Variants in BLCAP observed in about 807,000 individuals in gnomAD.
The protein encoded by BLCAP is apoptosis inducing factor BLCAP.
BLCAP carries 1 observed loss-of-function variant against 5.7 expected under a neutral mutation model. That is an observed-to-expected ratio of 0.18 (90% CI 0.06 to 0.83). The LOEUF (loss-of-function observed/expected upper bound fraction) is 0.83, where lower values mean the gene tolerates loss of function less well. Among genes scored for constraint, BLCAP ranks in the 40% least tolerant of loss-of-function variants. The pLI is 0.71. For synonymous variants in BLCAP, 48 were observed against 49.4 expected (o/e 0.97, Z 0.11); for missense variants, 66 against 107.6 (o/e 0.61, Z 1.71).
intron 1 of BLCAP, chr20:37,524,550 G>A (rs2071688400): frequency 6.6e-6 from 1 of 152,256 alleles, no homozygotes; most frequent in African/African-American, 2.4e-5. Flanking sequence ...CTGGCTTTAT[G>A]TGTCCCTGTC....
intron 1 of BLCAP, chr20:37,527,016 G>A (rs2147197477): frequency 6.6e-6 from 1 of 152,274 alleles, no homozygotes; most frequent in South Asian, 2.1e-4. Flanking sequence ...GTTTCTTTCC[G>A]AGGACAGACC....
intron 1 of BLCAP, among the ~76,000 whole-genome samples, chr20:37,525,245 C>T (rs930017233): frequency 1.3e-5 from 2 of 152,192 alleles, no homozygotes; most frequent in African/African-American, 4.8e-5. Context: ...CCCTTCGGAG[C>T]TTTTGAGGGG....
At position 37,519,165 on chromosome 20, in the gene BLCAP, G is replaced by A. The variant is rs1390056632; in HGVS notation, c.10C>T (p.Leu4Phe). Residue 4 changes from leucine (L) to phenylalanine (F), a missense_variant, in exon 2 of 2, where the codon CTC (leucine) becomes TTC (phenylalanine). Coordinates refer to ENST00000373537, the MANE Select transcript of BLCAP (RefSeq NM_006698.4). ...AGGAGGACGGGCAGCAGCCACTGGA[G>A]GCAATACATGATCTCTGCCGGGCAG... MYC[L>F]QWLLPVLLIP... 6.3e-7 allele frequency: 1 copy of A among 1,587,882 alleles called. No homozygotes were observed. Among genetic ancestry groups the A allele is most frequent in the Non-Finnish European group, 8.6e-7 (1 of 1,167,828 alleles).
chr20:37,523,028 G>A (rs2147192431), intron 1 of BLCAP: 1 of 432,914 alleles, frequency 2.3e-6, no homozygotes, highest in Non-Finnish European at 4.1e-6. Context: ...GCAGACCCCT[G>A]AGATCTGGGC....
chr20:37,522,519 C>T, intron 1 of BLCAP: 2 of 1,381,296 alleles, frequency 1.4e-6, no homozygotes, highest in Non-Finnish European at 2.0e-6. Flanking sequence ...TGCCCTGACT[C>T]GTGGACAAGC....
intron 1 of BLCAP, chr20:37,523,307 A>G (rs769199779): frequency 1.3e-5 from 2 of 152,618 alleles, no homozygotes; most frequent in Non-Finnish European, 2.9e-5. Flanking sequence ...GGGCACTTGC[A>G]TTCCAGCCTC....
chr20:37,524,829 T>C (rs1377527585), intron 1 of BLCAP, among the ~76,000 whole-genome samples: 2 of 152,242 alleles, frequency 1.3e-5, no homozygotes, highest in African/African-American at 4.8e-5. Context: ...ATCCCGGTTC[T>C]GGTCTTGACT....
rs1601090510 is a variant in BLCAP, at chr20:37,521,313, A to G, written c.-176-1963T>C. ...GGCAAACCCTCTTTCTCGACCACCC[A>G]CCTACCATTCTTGGAACCATGGCGG... is the stretch of plus-strand genomic sequence containing the variant. On this transcript the variant is annotated intron_variant, in intron 1 of 1. Coordinates refer to ENST00000373537, the MANE Select transcript of BLCAP (RefSeq NM_006698.4). This position sits in a 1 kb window ranked among gnomAD's most constrained non-coding sequence, Gnocchi z 4.5. 1 of 1,613,328 alleles carries G rather than the reference A, an allele frequency of 6.2e-7. No homozygotes were observed. The highest frequency in any genetic ancestry group is 1.1e-5 in the South Asian group (1 of 91,062).
At position 37,519,258 on chromosome 20, in the gene BLCAP, G is replaced by A. The variant is rs2071473807; in HGVS notation, c.-84C>T. The A allele has an allele frequency of 2.1e-6, 3 of 1,446,786 alleles. No homozygotes were observed. In the South Asian group the frequency reaches 4.3e-5, roughly 21 times the overall value. The allele number at this position is 1,446,786 out of a possible 1,614,324, so 89.6% of individuals were successfully genotyped here. On this transcript the variant is annotated 5_prime_UTR_variant, in exon 2 of 2. Coordinates refer to ENST00000373537, the MANE Select transcript of BLCAP (RefSeq NM_006698.4). ...TAATGGGAGCCAGCGGGCGCAGGCGGCTGCCCTCCGCTTTCTTCAACCCTC... is the reference window on the plus strand; with the variant it reads ...TAATGGGAGCCAGCGGGCGCAGGCGACTGCCCTCCGCTTTCTTCAACCCTC...
chr20:37,521,483 G>A lies in BLCAP; in HGVS notation c.-176-2133C>T. 2 of 1,397,610 alleles carry A rather than the reference G, an allele frequency of 1.4e-6. No individual in the cohort carries two copies. Among genetic ancestry groups the A allele is most frequent in the Non-Finnish European group, 2.0e-6 (2 of 984,684 alleles). The allele number at this position is 1,397,610 out of a possible 1,614,324, so 86.6% of individuals were successfully genotyped here. A position where few individuals can be genotyped will look rare whatever the true frequency, so the allele number is the denominator to read the frequency against. ...CCCGCAAGACTGCGTCGCGATTGCC[G>A]CTTCCCGGACCCGTCCTATTCCGAT... On this transcript the variant is annotated intron_variant, in intron 1 of 1. Coordinates refer to ENST00000373537, the MANE Select transcript of BLCAP (RefSeq NM_006698.4). This position sits in a 1 kb window ranked among gnomAD's most constrained non-coding sequence, Gnocchi z 4.5.
At chr20:37,519,648 T>C (rs1276053582) in intron 1 of BLCAP, among the ~76,000 whole-genome samples, 1 of 152,158 alleles carries the variant, frequency 6.6e-6, no homozygotes, top group Non-Finnish European at 1.5e-5. Context: ...TGGGCTGGCT[T>C]TGCCTGGGCC....
chr20:37,522,242 A>T (rs1054402686), intron 1 of BLCAP: 4 of 587,062 alleles, frequency 6.8e-6, no homozygotes, highest in Non-Finnish European at 1.2e-5. Context: ...GTAAAAAGAG[A>T]TAAATCAGAA....
At chr20:37,519,707 C>T (rs2071504756) in intron 1 of BLCAP, among the ~76,000 whole-genome samples, 1 of 152,224 alleles carries the variant, frequency 6.6e-6, no homozygotes, top group Admixed American at 6.5e-5. Flanking sequence ...AGCCCGTCCT[C>T]AAGGGGCCCA....
intron 1 of BLCAP, among the ~76,000 whole-genome samples, chr20:37,525,545 C>T (rs975875605): frequency 2.6e-5 from 4 of 152,218 alleles, no homozygotes; most frequent in African/African-American, 7.2e-5. Context: ...TGCACCTGCA[C>T]GTGTGGGCTT....
At position 37,519,201 on chromosome 20, in the gene BLCAP, A is replaced by G. The variant is rs1238642239; in HGVS notation, c.-27T>C. 2 of 1,553,242 alleles carry G rather than the reference A, an allele frequency of 1.3e-6. No homozygotes were observed. Among genetic ancestry groups the G allele is most frequent in the African/African-American group, 2.7e-5 (2 of 73,442 alleles). ...ATCTCTGCCGGGCAGGGCCTTCACC[A>G]AGGCTGCCGGGCACCGCTGCAGGAA... On this transcript the variant is annotated 5_prime_UTR_variant, in exon 2 of 2. Transcript: ENST00000373537.
Position 37,521,499 on chromosome 20 carries a change from C to A in BLCAP, c.-176-2149G>T. On this transcript the variant is annotated intron_variant, in intron 1 of 1. Coordinates refer to ENST00000373537, the MANE Select transcript of BLCAP (RefSeq NM_006698.4). This position sits in a 1 kb window ranked among gnomAD's most constrained non-coding sequence, Gnocchi z 4.5. The stretch of plus-strand genomic sequence containing the variant: ...GCGATTGCCGCTTCCCGGACCCGTC[C>A]TATTCCGATTGCCGCGATCCTTGCC... 1.6e-6 allele frequency: 2 copies of A among 1,256,576 alleles called. No individual in the cohort carries two copies. Among genetic ancestry groups the A allele is most frequent in the Non-Finnish European group, 2.3e-6 (2 of 860,874 alleles). The allele number at this position is 1,256,576 out of a possible 1,614,324, so 77.8% of individuals were successfully genotyped here.
At chr20:37,525,622 T>C (rs991709805) in intron 1 of BLCAP, among the ~76,000 whole-genome samples, 30 of 152,324 alleles carry the variant, frequency 2.0e-4, no homozygotes, top group African/African-American at 7.2e-4. Context: ...GGCAGCAAAC[T>C]TAACCCACCA....
Position 37,521,537 on chromosome 20 carries a change from G to A in BLCAP, c.-176-2187C>T, listed in dbSNP as rs569063414. On this transcript the variant is annotated intron_variant, in intron 1 of 1. Transcript: ENST00000373537. The surrounding 1 kb of genome is among the most constrained non-coding windows in gnomAD (Gnocchi z 4.5). Reference sequence around the variant, plus strand: ...CGCGATCCTTGCCTGCCCAAGTGCCGCTGCCGGCACCGCGCGCCCCCTGCC... The same window carrying A: ...CGCGATCCTTGCCTGCCCAAGTGCCACTGCCGGCACCGCGCGCCCCCTGCC... 3.1e-5 allele frequency: 28 copies of A among 912,330 alleles called. No individual in the cohort carries two copies. In the African/African-American group the frequency reaches 3.3e-4, roughly 11 times the overall value. The allele number at this position is 912,330 out of a possible 1,614,324, so 56.5% of individuals were successfully genotyped here. A position where few individuals can be genotyped will look rare whatever the true frequency, so the allele number is the denominator to read the frequency against.
rs41308719 is a variant in BLCAP, at chr20:37,518,240, G to C, written c.*671C>G. ...CTTGAGCCCAGACACCCAGGTGAAA[G>C]AGCAACATCTATCTGTTGCTTCCTT... On this transcript the variant is annotated 3_prime_UTR_variant, in exon 2 of 2. Coordinates refer to ENST00000373537, the MANE Select transcript of BLCAP (RefSeq NM_006698.4). 6.6e-6 allele frequency: 1 copy of C among 152,380 alleles called. No homozygotes were observed. The highest frequency in any genetic ancestry group is 1.5e-5 in the Non-Finnish European group (1 of 68,048). The allele number at this position is 152,380 out of a possible 1,614,324, so 9.4% of individuals were successfully genotyped here.
Sources: allele counts gnomAD v4.1 joint callset (sites outside exome capture counted in the v4.1 genomes callset), GRCh38; gene constraint gnomAD v4.1.1; non-coding constraint Gnocchi (gnomAD v3.1); transcripts MANE v1.5; gene names NCBI Gene and HGNC (gene_info 2026-07-23, HGNC 2026-07-21).